The following TRHDE variants were observed in gnomAD, a reference collection of about 807,000 sequenced individuals.
TRHDE encodes thyrotropin-releasing hormone-degrading ectoenzyme.
A neutral mutation model predicts 125.7 loss-of-function variants in TRHDE; 72 were observed. The ratio of observed to expected loss-of-function variants is 0.57; its 90% CI spans 0.47 to 0.70. TRHDE has a LOEUF of 0.70. Ranked by LOEUF, TRHDE falls within the 30% of genes least tolerant of loss-of-function variation. The pLI, the probability that TRHDE is intolerant of heterozygous loss-of-function variation, is 0.00. For missense variants in TRHDE, 1,110 were observed against 1,327.1 expected (o/e 0.84, Z 2.54); for synonymous variants, 509 against 509.1 (o/e 1.00, Z 0.00).
intron 2 of TRHDE, among the ~76,000 whole-genome samples, chr12:72,372,571 G>T (rs932261356): frequency 1.3e-5 from 2 of 152,262 alleles, no homozygotes; most frequent in African/African-American, 4.8e-5. Context: ...TTTGTATAAG[G>T]TGTAAGGAAG....
intron 3 of TRHDE, among the ~76,000 whole-genome samples, chr12:72,446,149 T>TC (rs1875270259): frequency 8.0e-6 from 1 of 124,900 alleles, no homozygotes; most frequent in African/African-American, 3.7e-5. Flanking sequence ...ATTGTGCATT[T>TC]CTTTTTTTTT....
At chr12:72,483,471 A>G (rs1323212462) in intron 5 of TRHDE, among the ~76,000 whole-genome samples, 2 of 151,928 alleles carry the variant, frequency 1.3e-5, no homozygotes, top group African/African-American at 2.4e-5. Context: ...TTTTTAACCA[A>G]TATTTTTGTT....
In TRHDE at chr12:72,277,019, T is replaced by C. The variant is rs185935561; in HGVS notation, c.914+3462T>C. On this transcript the variant is annotated intron_variant, in intron 1 of 18. Coordinates refer to ENST00000261180, the MANE Select transcript of TRHDE (RefSeq NM_013381.3). Reference sequence around the variant, plus strand: ...CTTAATTTAGATCCAGATGGTTGAATTGAAAGGGAAATATAGCCAAGATAA... The same window carrying C: ...CTTAATTTAGATCCAGATGGTTGAACTGAAAGGGAAATATAGCCAAGATAA... Among the ~76,000 whole-genome samples the C allele has an allele frequency of 1.2e-3, 178 of 152,302 alleles. 1 individual carries two copies. Among genetic ancestry groups the C allele is most frequent in the African/African-American group, 4.2e-3 (174 of 41,568 alleles).
At chr12:72,527,839 A>G (rs1227612585) in intron 6 of TRHDE, among the ~76,000 whole-genome samples, 2 of 152,176 alleles carry the variant, frequency 1.3e-5, no homozygotes, top group Non-Finnish European at 2.9e-5. Flanking sequence ...ATGTAACTAA[A>G]TGTGCTTTAA....
intron 12 of TRHDE, among the ~76,000 whole-genome samples, chr12:72,607,013 TCA>T (rs1872472278): frequency 6.6e-6 from 1 of 152,288 alleles, no homozygotes; most frequent in African/African-American, 2.4e-5. Context: ...CATATTCTTT[TCA>T]CAGTTTGCTT....
intron 2 of TRHDE, among the ~76,000 whole-genome samples, chr12:72,326,959 C>A (rs1869367932): frequency 6.6e-6 from 1 of 152,130 alleles, no homozygotes; most frequent in Non-Finnish European, 1.5e-5. Flanking sequence ...TATCTATCTA[C>A]ACCTACAAGC....
intron 2 of TRHDE, among the ~76,000 whole-genome samples, chr12:72,302,266 G>GCA (rs1403786118): frequency 3.3e-5 from 5 of 151,662 alleles, no homozygotes; most frequent in African/African-American, 1.2e-4. Flanking sequence ...GTGTGTGTGT[G>GCA]TGTGCATGTG....
At chr12:72,301,337 T>TCCA (rs1868258210) in intron 2 of TRHDE, among the ~76,000 whole-genome samples, 1 of 152,104 alleles carries the variant, frequency 6.6e-6, no homozygotes, top group East Asian at 1.9e-4. Context: ...AATGAGAAAT[T>TCCA]CCATCAGAAG....
At chr12:72,500,183 A>T (rs1878088475) in intron 6 of TRHDE, among the ~76,000 whole-genome samples, 1 of 152,218 alleles carries the variant, frequency 6.6e-6, no homozygotes, top group African/African-American at 2.4e-5. Flanking sequence ...CAATGACTAG[A>T]TATAAAAATA....
chr12:72,217,451 G>A (rs1429984652), intron 2 of TRHDE, among the ~76,000 whole-genome samples: 2 of 152,074 alleles, frequency 1.3e-5, no homozygotes, highest in African/African-American at 2.4e-5. Flanking sequence ...ACTATATTTG[G>A]AAAAATTCAA....
intron 2 of TRHDE, among the ~76,000 whole-genome samples, chr12:72,240,886 T>TA (rs780500928): frequency 2.0e-4 from 31 of 152,160 alleles, no homozygotes; most frequent in Non-Finnish European, 4.3e-4. Flanking sequence ...CAATCAATTT[T>TA]AAAAAATAAA....
intron 3 of TRHDE, among the ~76,000 whole-genome samples, chr12:72,397,999 A>G (rs1329834183): frequency 1.6e-5 from 2 of 124,506 alleles, no homozygotes; most frequent in Admixed American, 8.5e-5. Context: ...CAACCCCACA[A>G]CAGTCCCCAG....
chr12:72,513,027 T>A (rs896977045), intron 6 of TRHDE, among the ~76,000 whole-genome samples: 7 of 152,134 alleles, frequency 4.6e-5, no homozygotes, highest in African/African-American at 1.7e-4. Context: ...CACCAATTGT[T>A]AATCAACCAT....
At chr12:72,315,999 G>A (rs1307907684) in intron 2 of TRHDE, among the ~76,000 whole-genome samples, 2 of 152,110 alleles carry the variant, frequency 1.3e-5, no homozygotes, top group African/African-American at 4.8e-5. Context: ...TGCCAGCTGC[G>A]GATTGAGGCC....
At chr12:72,423,477 CG>C (rs1232594397) in intron 3 of TRHDE, among the ~76,000 whole-genome samples, 2 of 152,094 alleles carry the variant, frequency 1.3e-5, no homozygotes, top group African/African-American at 4.8e-5. Flanking sequence ...CCACTCATAA[CG>C]CAGCAAGAGA....
At chr12:72,461,620 T>G (rs983972287) in intron 3 of TRHDE, among the ~76,000 whole-genome samples, 2 of 151,976 alleles carry the variant, frequency 1.3e-5, no homozygotes, top group Non-Finnish European at 2.9e-5. Flanking sequence ...ATACAACTTT[T>G]TTTTTTTTTT....
intron 2 of TRHDE, among the ~76,000 whole-genome samples, chr12:72,241,614 C>G (rs1356379547): frequency 6.6e-6 from 1 of 152,074 alleles, no homozygotes; most frequent in African/African-American, 2.4e-5. Context: ...CTGTAGTAAA[C>G]GTTTGTGTGT....
Position 72,664,115 on chromosome 12 carries a change from A to G in TRHDE, c.*920A>G, listed in dbSNP as rs1201448172. 6.6e-6 allele frequency: 1 copy of G among 152,158 alleles called. No homozygotes were observed. The highest frequency in any genetic ancestry group is 1.5e-5 in the Non-Finnish European group (1 of 68,014). The allele number at this position is 152,158 out of a possible 1,614,324, so 9.4% of individuals were successfully genotyped here. On this transcript the variant is annotated 3_prime_UTR_variant, in exon 19 of 19. Transcript: ENST00000261180. ...TTCTGCTACATGAAGATGAATACAA[A>G]CAAAATTTTTGTATAAACTACTATT...
chr12:72,304,020 G>A (rs1325445792), intron 2 of TRHDE, among the ~76,000 whole-genome samples: 2 of 152,064 alleles, frequency 1.3e-5, no homozygotes, highest in African/African-American at 4.8e-5. Flanking sequence ...TTTTATAGAT[G>A]AGGAAATGGA....
Sources: gnomAD v4.1 joint callset for allele counts (sites outside exome capture counted in the v4.1 genomes callset) on GRCh38, gnomAD v4.1.1 for gene constraint, MANE v1.5 for transcripts, NCBI Gene and HGNC (gene_info 2026-07-23, HGNC 2026-07-21) for gene names.